MKRN2: variants seen among roughly 807,000 people sequenced by gnomAD.
MKRN2 encodes the protein makorin ring finger protein 2, also known as E3 ubiquitin-protein ligase makorin-2.
A neutral mutation model predicts 45.4 loss-of-function variants in MKRN2; 32 were observed. The observed-to-expected ratio is 0.70, with a 90% CI of 0.53 to 0.95. The LOEUF is 0.95. Ranked by LOEUF, MKRN2 falls within the 40% of genes least tolerant of loss-of-function variation. MKRN2 has a pLI of 0.00. For synonymous variants in MKRN2, 206 were observed against 192.4 expected (o/e 1.07, Z -0.59); for missense variants, 526 against 536.7 (o/e 0.98, Z 0.20).
chr3:12,567,414 T>C (rs2058074986), intron 1 of MKRN2, among the ~76,000 whole-genome samples: 1 of 151,486 alleles, frequency 6.6e-6, no homozygotes, highest in African/African-American at 2.4e-5. Context: ...GAACCACAGG[T>C]GCATACCACC....
At chr3:12,575,581 C>T (rs2058129030) in intron 5 of MKRN2, among the ~76,000 whole-genome samples, 2 of 152,126 alleles carry the variant, frequency 1.3e-5, no homozygotes, top group South Asian at 4.1e-4. Flanking sequence ...TCATCTCATT[C>T]CCTCAAAGAC....
At chr3:12,558,323 A>C (rs902182246) in intron 1 of MKRN2, among the ~76,000 whole-genome samples, 5 of 152,180 alleles carry the variant, frequency 3.3e-5, no homozygotes, top group African/African-American at 9.6e-5. Flanking sequence ...TATTTGTACT[A>C]GAAGGTGTTT....
At chr3:12,580,840 G>A (rs780906714) in intron 6 of MKRN2, among the ~76,000 whole-genome samples, 8 of 152,192 alleles carry the variant, frequency 5.3e-5, no homozygotes, top group Non-Finnish European at 1.0e-4. Flanking sequence ...CTGACAAGAC[G>A]GAAAACCACT....
intron 6 of MKRN2, 55 bp from the exon 7 acceptor site, chr3:12,581,753 G>T (rs1228773883): frequency 6.3e-7 from 1 of 1,599,408 alleles, no homozygotes; most frequent in Non-Finnish European, 8.5e-7. Context: ...CAGTGGCCCA[G>T]TTTGGACCCC....
intron 6 of MKRN2, among the ~76,000 whole-genome samples, chr3:12,578,967 C>T (rs28661273): frequency 4.6e-5 from 7 of 151,230 alleles, no homozygotes; most frequent in Middle Eastern, 6.9e-3. Flanking sequence ...TAGAAAAGGG[C>T]CCCAGCCTGT....
intron 5 of MKRN2, among the ~76,000 whole-genome samples, chr3:12,575,545 C>T (rs1011816263): frequency 7.2e-5 from 11 of 152,158 alleles, no homozygotes; most frequent in African/African-American, 2.4e-4. Flanking sequence ...ACGCGTTCTA[C>T]TGTTCAGAAC....
chr3:12,578,865 T>A (rs1278517787), intron 6 of MKRN2, among the ~76,000 whole-genome samples: 5 of 107,824 alleles, frequency 4.6e-5, no homozygotes, highest in Non-Finnish European at 9.9e-5. Flanking sequence ...TTGATTTTTT[T>A]TTTTTTTTTT....
At chr3:12,570,403 GAGGC>G in intron 3 of MKRN2, 151 bp downstream of exon 3, 2 of 734,112 alleles carry the variant, frequency 2.7e-6, no homozygotes, top group Non-Finnish European at 4.2e-6. Flanking sequence ...CTGTTCTGAA[GAGGC>G]TCCATGTGGC....
In MKRN2 at chr3:12,581,911, G is replaced by C; in HGVS notation, c.1072G>C (p.Glu358Gln). Residue 358 changes from glutamate to glutamine, a missense_variant, in exon 7 of 8, where the codon GAG becomes CAG. By Grantham distance (29) the Glu-to-Gln change is conservative (BLOSUM62 2). Coordinates refer to ENST00000170447, the MANE Select transcript of MKRN2 (RefSeq NM_014160.5). ...CCCCGATGGGCGGCTAGCAGAGCCT[G>C]AGAAACCTCGGAAACAGCTCAGTTC... ...AYPDGRLAEP[E>Q]KPRKQLSSQG... 1 of 1,614,204 alleles carries C rather than the reference G, an allele frequency of 6.2e-7. No individual in the cohort carries two copies. The highest frequency in any genetic ancestry group is 1.7e-5 in the Admixed American group (1 of 60,022).
At chr3:12,573,875 A>C (rs1386842838) in intron 4 of MKRN2, among the ~76,000 whole-genome samples, 1 of 151,964 alleles carries the variant, frequency 6.6e-6, no homozygotes, top group Non-Finnish European at 1.5e-5. Context: ...CCTGGACGAC[A>C]GAGAGAGACT....
At chr3:12,580,466 C>A (rs1215770203) in intron 6 of MKRN2, among the ~76,000 whole-genome samples, 1 of 150,800 alleles carries the variant, frequency 6.6e-6, no homozygotes, top group African/African-American at 2.4e-5. Context: ...GCCACCACCC[C>A]CAGTGAGACG....
chr3:12,573,892 CAAA>C (rs111511375), intron 4 of MKRN2, among the ~76,000 whole-genome samples: 1 of 122,212 alleles, frequency 8.2e-6, no homozygotes, highest in African/African-American at 3.0e-5. Flanking sequence ...GACTCTGTCT[CAAA>C]AAAAAAAAAA....
chr3:12,581,514 C>T (rs566822624), intron 6 of MKRN2, among the ~76,000 whole-genome samples: 3 of 152,274 alleles, frequency 2.0e-5, no homozygotes, highest in South Asian at 2.1e-4. Context: ...CTGGAGCTGC[C>T]GGAGGGCCTG....
In MKRN2 at chr3:12,572,150, C is replaced by T; in HGVS notation, c.419C>T (p.Pro140Leu). 6.2e-7 allele frequency: 1 copy of T among 1,614,120 alleles called. No individual in the cohort carries two copies. Among genetic ancestry groups the T allele is most frequent in the Non-Finnish European group, 8.5e-7 (1 of 1,180,032 alleles). The change falls in exon 4 of 8, where the codon CCC becomes CTC. Residue 140 changes from proline to leucine, a missense_variant. By Grantham distance (98) the Pro-to-Leu change is moderately conservative. Transcript: ENST00000170447. ...AGCTGCAGCGACCCCCAGCCCAGCC[C>T]CGAGATGAAGCCGCATTCCTACCTG... Reference protein sequence around the residue: ...PGSCSDPQPSPEMKPHSYLDA... With the variant: ...PGSCSDPQPSLEMKPHSYLDA...
At chr3:12,563,319 TC>T (rs2058050536) in intron 1 of MKRN2, among the ~76,000 whole-genome samples, 1 of 152,128 alleles carries the variant, frequency 6.6e-6, no homozygotes, top group Admixed American at 6.5e-5. Flanking sequence ...GGTCAGCACT[TC>T]CTCTGCTTTT....
At chr3:12,578,858 AT>A (rs374121518) in intron 6 of MKRN2, among the ~76,000 whole-genome samples, 2,198 of 125,150 alleles carry the variant, frequency 0.018, 38 homozygotes, top group East Asian at 0.078. Context: ...CTAAAGCTTG[AT>A]TTTTTTTTTT....
chr3:12,567,204 A>G (rs1254011906), intron 1 of MKRN2, among the ~76,000 whole-genome samples: 2 of 132,338 alleles, frequency 1.5e-5, no homozygotes, highest in Admixed American at 7.3e-5. Flanking sequence ...ACTTGCTATC[A>G]GCTTGTGTTT....
intron 5 of MKRN2, among the ~76,000 whole-genome samples, chr3:12,576,214 TG>T: frequency 6.6e-6 from 1 of 151,768 alleles, no homozygotes; most frequent in Non-Finnish European, 1.5e-5. Context: ...TGTGTGTGTG[TG>T]TGTGTGTGTG....
chr3:12,561,140 A>G (rs1216585832), intron 1 of MKRN2: 1 of 152,196 alleles, frequency 6.6e-6, no homozygotes, highest in East Asian at 1.9e-4. Context: ...TGGTCTAGAA[A>G]TTATTTTTGA....
Sources: gnomAD v4.1 joint callset for allele counts (sites outside exome capture counted in the v4.1 genomes callset) on GRCh38, gnomAD v4.1.1 for gene constraint, MANE v1.5 for transcripts, NCBI Gene and HGNC (gene_info 2026-07-23, HGNC 2026-07-21) for gene names.